The following TCF7L1 variants were observed in gnomAD, a reference collection of about 807,000 sequenced individuals.
TCF7L1 encodes the protein transcription factor 7-like 1.
TCF7L1 carries 18 observed loss-of-function variants against 63.7 expected under a neutral mutation model. The observed-to-expected ratio is 0.28, with a 90% CI of 0.20 to 0.42. The LOEUF is 0.42. Among genes scored for constraint, TCF7L1 ranks in the 10% least tolerant of loss-of-function variants. The pLI is 1.00. For missense variants in TCF7L1, 654 were observed against 779.3 expected (o/e 0.84, Z 1.91); for synonymous variants, 355 against 340.9 (o/e 1.04, Z -0.46).
chr2:85,231,628 G>C (rs1022038432), intron 3 of TCF7L1, among the ~76,000 whole-genome samples: 2 of 152,154 alleles, frequency 1.3e-5, no homozygotes, highest in Non-Finnish European at 2.9e-5. Context: ...GGGCACCAGG[G>C]AGTATGCTGG....
chr2:85,178,477 G>A (rs1006762029), intron 3 of TCF7L1, among the ~76,000 whole-genome samples: 2 of 152,120 alleles, frequency 1.3e-5, no homozygotes, highest in South Asian at 4.1e-4. Context: ...TCTCCAGAAG[G>A]AGCTGGAGAA....
At chr2:85,203,979 AG>A (rs1317565113) in intron 3 of TCF7L1, among the ~76,000 whole-genome samples, 1 of 152,166 alleles carries the variant, frequency 6.6e-6, no homozygotes, top group Non-Finnish European at 1.5e-5. Context: ...GCGGTTTGGA[AG>A]GGGGAGTTAG....
At chr2:85,173,516 TA>T (rs1434164572) in intron 3 of TCF7L1, among the ~76,000 whole-genome samples, 1 of 152,168 alleles carries the variant, frequency 6.6e-6, no homozygotes, top group Non-Finnish European at 1.5e-5. Flanking sequence ...TAATAAAGAT[TA>T]AATTGAATCA....
At chr2:85,157,362 G>A (rs974479338) in intron 3 of TCF7L1, among the ~76,000 whole-genome samples, 6 of 152,314 alleles carry the variant, frequency 3.9e-5, no homozygotes, top group African/African-American at 1.4e-4. Flanking sequence ...AATATTGCAT[G>A]CATTACTTTG....
At chr2:85,308,913 G>T in intron 11 of TCF7L1, 116 bp from the exon 12 acceptor site, 1 of 1,217,462 alleles carries the variant, frequency 8.2e-7, no homozygotes, top group Non-Finnish European at 1.1e-6. Flanking sequence ...GTAATGTCAG[G>T]TCCTCGCCAA....
At chr2:85,212,826 C>T in intron 3 of TCF7L1, among the ~76,000 whole-genome samples, 1 of 152,060 alleles carries the variant, frequency 6.6e-6, no homozygotes, top group East Asian at 1.9e-4. Flanking sequence ...GAGACGAACC[C>T]GCTGAGCAGG....
chr2:85,242,509 C>T (rs1353769584), intron 3 of TCF7L1, among the ~76,000 whole-genome samples: 1 of 152,270 alleles, frequency 6.6e-6, no homozygotes, highest in African/African-American at 2.4e-5. Context: ...ACCACCTCTC[C>T]TGACCTAGAC....
chr2:85,226,816 CT>C (rs58016100), intron 3 of TCF7L1, among the ~76,000 whole-genome samples: 13,565 of 137,354 alleles, frequency 0.099, 1,966 homozygotes, highest in African/African-American at 0.32. Context: ...CTCCCCCCGC[CT>C]TTTTTTTTTT....
At chr2:85,171,550 T>A (rs1678545703) in intron 3 of TCF7L1, among the ~76,000 whole-genome samples, 1 of 152,256 alleles carries the variant, frequency 6.6e-6, no homozygotes, top group East Asian at 1.9e-4. Context: ...GTCAGAGTCC[T>A]TCAGAGCTTC....
chr2:85,218,473 C>T (rs915661077), intron 3 of TCF7L1, among the ~76,000 whole-genome samples: 1 of 152,136 alleles, frequency 6.6e-6, no homozygotes, highest in African/African-American at 2.4e-5. Flanking sequence ...CCAGGTTGGT[C>T]TTGAACTCCT....
intron 4 of TCF7L1, among the ~76,000 whole-genome samples, chr2:85,289,455 G>C (rs1378035361): frequency 6.6e-6 from 1 of 152,074 alleles, no homozygotes; most frequent in African/African-American, 2.4e-5. Context: ...AGATATTCAG[G>C]GGTTTTTTAA....
chr2:85,184,160 G>A (rs1678862301), intron 3 of TCF7L1, among the ~76,000 whole-genome samples: 1 of 152,170 alleles, frequency 6.6e-6, no homozygotes, highest in African/African-American at 2.4e-5. Context: ...AAATGACTTT[G>A]GGAAGAAAAG....
intron 3 of TCF7L1, among the ~76,000 whole-genome samples, chr2:85,255,582 C>T (rs547709081): frequency 5.3e-5 from 8 of 152,306 alleles, no homozygotes; most frequent in East Asian, 1.9e-4. Context: ...TCCGCTTTGC[C>T]GGGAGAAAGG....
intron 3 of TCF7L1, among the ~76,000 whole-genome samples, chr2:85,261,102 A>G (rs910570919): frequency 7.1e-6 from 1 of 140,768 alleles, no homozygotes; most frequent in African/African-American, 2.7e-5. Flanking sequence ...TTTGTTTTCA[A>G]TTACTTCCTC....
At chr2:85,242,088 T>A (rs1680347621) in intron 3 of TCF7L1, among the ~76,000 whole-genome samples, 1 of 152,090 alleles carries the variant, frequency 6.6e-6, no homozygotes, top group Non-Finnish European at 1.5e-5. Flanking sequence ...TAAGGGACCA[T>A]CTTAAAGAAG....
intron 4 of TCF7L1, among the ~76,000 whole-genome samples, chr2:85,299,860 A>AAC (rs61569778): frequency 0.028 from 2,619 of 92,726 alleles, 196 homozygotes; most frequent in East Asian, 0.076. Context: ...CCTTGTCTCA[A>AAC]ACACACACAC....
Position 85,306,105 on chromosome 2 carries a change from C to T in TCF7L1, c.990-101C>T, listed in dbSNP as rs1196789322. The T allele has an allele frequency of 6.2e-6, 9 of 1,455,470 alleles. No individual in the cohort carries two copies. Among genetic ancestry groups the T allele is most frequent in the African/African-American group, 5.6e-5 (4 of 71,572 alleles). 90.2% of individuals were successfully genotyped at this position (1,455,470 alleles called of 1,614,324 possible). A position where few individuals can be genotyped will look rare whatever the true frequency, so the allele number is the denominator to read the frequency against. On this transcript the variant is annotated intron_variant, in intron 8 of 11. Coordinates refer to ENST00000282111, the MANE Select transcript of TCF7L1 (RefSeq NM_031283.3). The surrounding 1 kb of genome is among the most constrained non-coding windows in gnomAD (Gnocchi z 4.3). ...CTTGAATTAGCATCCAGGCAGCCCG[C>T]GCCCCTCCCCAGAGACAATCAGCGG...
At chr2:85,141,432 C>T in intron 3 of TCF7L1, among the ~76,000 whole-genome samples, 1 of 152,232 alleles carries the variant, frequency 6.6e-6, no homozygotes, top group South Asian at 2.1e-4. Context: ...TGGCCCAGTG[C>T]CTCCCCCTCA....
intron 3 of TCF7L1, among the ~76,000 whole-genome samples, chr2:85,273,305 G>C (rs923050179): frequency 6.6e-6 from 1 of 152,226 alleles, no homozygotes; most frequent in Non-Finnish European, 1.5e-5. Flanking sequence ...TTCACCTGCA[G>C]TGACTCCATA....
Sources: allele counts gnomAD v4.1 joint callset (sites outside exome capture counted in the v4.1 genomes callset), GRCh38; gene constraint gnomAD v4.1.1; non-coding constraint Gnocchi (gnomAD v3.1); transcripts MANE v1.5; gene names NCBI Gene and HGNC (gene_info 2026-07-23, HGNC 2026-07-21).